The following ESR1 variants were observed in gnomAD, a reference collection of about 807,000 sequenced individuals.
ESR1 encodes the protein estrogen receptor.
A neutral mutation model predicts 52.7 loss-of-function variants in ESR1; 12 were observed. The observed-to-expected ratio is 0.23, with a 90% CI of 0.15 to 0.37. ESR1 has a LOEUF of 0.37. ESR1 is among the 10% of genes least tolerant of loss of function. The pLI is 1.00. For missense variants in ESR1, 584 were observed against 779.7 expected, an observed-to-expected ratio of 0.75 and a Z score of 2.99; for synonymous variants, 305 against 316.8, an observed-to-expected ratio of 0.96 and a Z score of 0.39.
intron 2 of ESR1, among the ~76,000 whole-genome samples, chr6:151,764,384 TTGA>T (rs1784886319): frequency 6.6e-6 from 1 of 152,168 alleles, no homozygotes; most frequent in Admixed American, 6.5e-5. Flanking sequence ...GAAGACATCC[TTGA>T]TGAAGGAGAT....
At chr6:152,042,582 G>T (rs559746713) in intron 5 of ESR1, among the ~76,000 whole-genome samples, 1 of 152,262 alleles carries the variant, frequency 6.6e-6, no homozygotes, top group East Asian at 1.9e-4. Flanking sequence ...TCCTCAAGGG[G>T]ACCCAGCCTC....
intron 4 of ESR1, among the ~76,000 whole-genome samples, chr6:151,945,041 C>T (rs2128532929): frequency 6.6e-6 from 1 of 152,214 alleles, no homozygotes; most frequent in East Asian, 1.9e-4. Flanking sequence ...CGTGGCGAAA[C>T]CCTGTCTCTA....
chr6:152,033,035 T>A (rs918515395), intron 5 of ESR1, among the ~76,000 whole-genome samples: 37 of 152,228 alleles, frequency 2.4e-4, no homozygotes, highest in African/African-American at 8.9e-4. Context: ...AAACAAGAAA[T>A]GGGGAAAGGA....
downstream of ESR1, among the ~76,000 whole-genome samples, chr6:152,105,430 T>G (rs1405629784): frequency 6.6e-6 from 1 of 151,232 alleles, no homozygotes; most frequent in East Asian, 1.9e-4. Flanking sequence ...CTGTTAATTT[T>G]TTTTTTTTTT....
At chr6:151,671,965 C>T (rs1433927187) in intron 1 of ESR1, among the ~76,000 whole-genome samples, 1 of 152,110 alleles carries the variant, frequency 6.6e-6, no homozygotes, top group Admixed American at 6.5e-5. Context: ...GCACTCCAGC[C>T]TGGGTGACAG....
intron 2 of ESR1, among the ~76,000 whole-genome samples, chr6:151,783,609 T>C (rs993148292): frequency 3.3e-5 from 5 of 152,250 alleles, no homozygotes; most frequent in Admixed American, 2.0e-4. Context: ...TTTTAGATTT[T>C]AGATTTAAAT....
At chr6:151,938,112 CAAAAG>C (rs2034590830) in intron 3 of ESR1, among the ~76,000 whole-genome samples, 2 of 151,956 alleles carry the variant, frequency 1.3e-5, no homozygotes, top group Non-Finnish European at 2.9e-5. Flanking sequence ...TATTGAGAAA[CAAAAG>C]AAAGTGATTA....
At chr6:151,697,472 C>A (rs1380761584) in intron 1 of ESR1, among the ~76,000 whole-genome samples, 1 of 152,114 alleles carries the variant, frequency 6.6e-6, no homozygotes, top group Non-Finnish European at 1.5e-5. Flanking sequence ...ACAATGAAGA[C>A]TAAGTGATAT....
At chr6:151,937,477 A>G (rs2034501212) in intron 3 of ESR1, among the ~76,000 whole-genome samples, 1 of 152,150 alleles carries the variant, frequency 6.6e-6, no homozygotes, top group African/African-American at 2.4e-5. Context: ...ACAAATTAGG[A>G]ACTGTTGCAA....
At chr6:151,871,700 C>T (rs113346084) in intron 2 of ESR1, among the ~76,000 whole-genome samples, 2,335 of 152,324 alleles carry the variant, frequency 0.015, 63 homozygotes, top group African/African-American at 0.053. Flanking sequence ...CCACTGTGCC[C>T]GGCCAGCTCT....
At position 152,094,267 on chromosome 6, in the gene ESR1, C is replaced by T; in HGVS notation, c.1370-118C>T. The T allele has an allele frequency of 1.1e-6, 1 of 882,684 alleles. No homozygotes were observed. The highest frequency in any genetic ancestry group is 1.9e-6 in the Non-Finnish European group (1 of 517,932). 54.7% of individuals were successfully genotyped at this position (882,684 alleles called of 1,614,324 possible). ...AAATGGGTCCAGAGCATCCCCATTGCTAGACTACTGTGCTGAGGAAGGGCA... is the reference window on the plus strand; with the variant it reads ...AAATGGGTCCAGAGCATCCCCATTGTTAGACTACTGTGCTGAGGAAGGGCA... On this transcript the variant is annotated intron_variant, in intron 6 of 7. Transcript: ENST00000206249. This position sits in a 1 kb window ranked among gnomAD's most constrained non-coding sequence, Gnocchi z 4.6.
At chr6:151,871,504 A>G (rs1790966569) in intron 2 of ESR1, among the ~76,000 whole-genome samples, 1 of 152,114 alleles carries the variant, frequency 6.6e-6, no homozygotes. Context: ...CCTGGGTTCA[A>G]GAGATTCTCC....
At chr6:151,930,755 T>C (rs1048548642) in intron 3 of ESR1, among the ~76,000 whole-genome samples, 1 of 152,004 alleles carries the variant, frequency 6.6e-6, no homozygotes, top group Admixed American at 6.6e-5. Flanking sequence ...TTTGTCTGAT[T>C]TTTTTTTAAT....
Position 152,067,404 on chromosome 6 carries a change from CAGG to C in ESR1, c.1369+6286_1369+6288del, listed in dbSNP as rs1262739651. ...CATTTTCCATTCACATTCAGCACCT[CAGG>C]AGGAGAAGCTGCCTATCACTTTGTG... is the stretch of plus-strand genomic sequence containing the variant. On this transcript the variant is annotated intron_variant, in intron 6 of 7. Coordinates refer to ENST00000206249, the MANE Select transcript of ESR1 (RefSeq NM_000125.4). Among the ~76,000 whole-genome samples, 21 of 152,216 alleles carry C rather than the reference CAGG, an allele frequency of 1.4e-4. 1 individual carries two copies. The highest frequency in any genetic ancestry group is 1.4e-3 in the Admixed American group (21 of 15,280).
At chr6:152,083,086 C>CTTTCATTCCAAG (rs1263271609) in intron 6 of ESR1, among the ~76,000 whole-genome samples, 1 of 147,874 alleles carries the variant, frequency 6.8e-6, no homozygotes, top group African/African-American at 2.6e-5. Context: ...CTACCATTGA[C>CTTTCATTCCAAG]TTTCTTCACA....
chr6:152,011,913 T>A, intron 5 of ESR1, 119 bp downstream of exon 5: 1 of 1,151,964 alleles, frequency 8.7e-7, no homozygotes, highest in Non-Finnish European at 1.2e-6. Context: ...TATGTTTACT[T>A]AACAAAAGAG....
chr6:151,827,663 C>T (rs1214570536), intron 1 of ESR1, among the ~76,000 whole-genome samples: 1 of 152,008 alleles, frequency 6.6e-6, no homozygotes, highest in African/African-American at 2.4e-5. Flanking sequence ...ACTATAATAC[C>T]ATTATATTTT....
At chr6:151,848,509 T>A (rs1057054149) in intron 2 of ESR1, among the ~76,000 whole-genome samples, 6 of 150,846 alleles carry the variant, frequency 4.0e-5, no homozygotes, top group Admixed American at 4.0e-4. Context: ...AAAAAAGAGA[T>A]CTTAGTTCTT....
intron 1 of ESR1, among the ~76,000 whole-genome samples, chr6:151,666,788 C>T (rs1201189145): frequency 7.0e-6 from 1 of 141,952 alleles, no homozygotes; most frequent in Admixed American, 8.0e-5. Context: ...CGAATGAAGG[C>T]ATGCATGAAT....
Sources: allele counts gnomAD v4.1 joint callset (sites outside exome capture counted in the v4.1 genomes callset), GRCh38; gene constraint gnomAD v4.1.1; non-coding constraint Gnocchi (gnomAD v3.1); transcripts MANE v1.5; gene names NCBI Gene and HGNC (gene_info 2026-07-23, HGNC 2026-07-21).